Variants in ANKRD11 observed in about 807,000 individuals in gnomAD.
ANKRD11 encodes ankyrin repeat domain 11.
ANKRD11 carries 17 observed loss-of-function variants against 195.7 expected under a neutral mutation model. The observed-to-expected ratio is 0.09, with a 90% CI of 0.06 to 0.13. The LOEUF (loss-of-function observed/expected upper bound fraction) is 0.13, where lower values mean the gene tolerates loss of function less well. Among genes scored for constraint, ANKRD11 ranks in the 10% least tolerant of loss-of-function variants. The probability of loss-of-function intolerance (pLI) is 1.00; values close to 1 mark genes in which losing one functional copy is unlikely to be tolerated. For synonymous variants in ANKRD11, 1,953 were observed against 1,528.1 expected, an observed-to-expected ratio of 1.28 and a Z score of -6.49; for missense variants, 3,735 against 3,566.1, an observed-to-expected ratio of 1.05 and a Z score of -1.21.
chr16:89,276,755 C>G (rs1025383171), intron 9 of ANKRD11, among the ~76,000 whole-genome samples: 7 of 152,174 alleles, frequency 4.6e-5, no homozygotes, highest in African/African-American at 1.7e-4. Flanking sequence ...CATCTAAAAT[C>G]AGTTCAAAAT....
chr16:89,439,745 T>C (rs758135028), intron 1 of ANKRD11, among the ~76,000 whole-genome samples: 2 of 152,292 alleles, frequency 1.3e-5, no homozygotes, highest in South Asian at 4.1e-4. Context: ...TCTACACCAC[T>C]GACACACAAC....
In ANKRD11 at chr16:89,276,637, C is replaced by T. The variant is rs781137557; in HGVS notation, c.7471-1446G>A. The stretch of plus-strand genomic sequence containing the variant: ...ACGGGAGGGCCTGCCACAGCGTGGA[C>T]GCACGGCAGGGTCTCGTCACCTCCA... On this transcript the variant is annotated intron_variant, in intron 9 of 12. Transcript: ENST00000301030. Among the ~76,000 whole-genome samples, 12 of 152,350 alleles carry T rather than the reference C, an allele frequency of 7.9e-5. No homozygotes were observed. In the East Asian group the frequency reaches 1.4e-3, roughly 17 times the overall value.
intron 1 of ANKRD11, among the ~76,000 whole-genome samples, chr16:89,487,711 T>C (rs1597570832): frequency 6.6e-6 from 1 of 151,876 alleles, no homozygotes; most frequent in South Asian, 2.1e-4. Context: ...GAGACGGAGG[T>C]TGCAATGAGC....
At chr16:89,357,668 CGACTCAGCCCTAACGAG>C (rs2039548062) in intron 2 of ANKRD11, among the ~76,000 whole-genome samples, 1 of 152,188 alleles carries the variant, frequency 6.6e-6, no homozygotes, top group South Asian at 2.1e-4. Flanking sequence ...CAGCATAACG[CGACTCAGCCCTAACGAG>C]GAATGCCTGT....
intron 4 of ANKRD11, chr16:89,300,950 G>C (rs1325864300): frequency 2.9e-6 from 2 of 690,994 alleles, no homozygotes; most frequent in Non-Finnish European, 5.3e-6. Context: ...GGACAAGCAG[G>C]ACCCCGGCGG....
intron 3 of ANKRD11, among the ~76,000 whole-genome samples, chr16:89,305,751 C>A: frequency 7.1e-6 from 1 of 141,028 alleles, no homozygotes; most frequent in African/African-American, 2.8e-5. Flanking sequence ...ACCTACCTCC[C>A]ACTCCGCAGA....
At position 89,347,121 on chromosome 16, in the gene ANKRD11, C is replaced by T. The variant is rs573608552; in HGVS notation, c.-59-30043G>A. ...CTCCTAGGCCCGTGGAGGTGTCTCT[C>T]GTTGGTCCGGGCATCAGAGGAAGCA... On this transcript the variant is annotated intron_variant, in intron 2 of 12. Coordinates refer to ENST00000301030, the MANE Select transcript of ANKRD11 (RefSeq NM_013275.6). 1.1e-4 allele frequency among the ~76,000 whole-genome samples: 17 copies of T among 152,176 alleles called. No homozygotes were observed. In the East Asian group the frequency reaches 2.9e-3, roughly 26 times the overall value.
chr16:89,389,402 A>G (rs1277138216), intron 2 of ANKRD11, among the ~76,000 whole-genome samples: 2 of 152,180 alleles, frequency 1.3e-5, no homozygotes, highest in Admixed American at 1.3e-4. Context: ...GTAAATAAGA[A>G]AATATGATTA....
At chr16:89,368,889 ACT>A (rs969892819) in intron 2 of ANKRD11, among the ~76,000 whole-genome samples, 1 of 152,080 alleles carries the variant, frequency 6.6e-6, no homozygotes, top group East Asian at 1.9e-4. Context: ...GAGGAGAAAG[ACT>A]CTGTTTCCAA....
chr16:89,319,654 G>A (rs1406180613), intron 2 of ANKRD11, among the ~76,000 whole-genome samples: 1 of 152,210 alleles, frequency 6.6e-6, no homozygotes, highest in Non-Finnish European at 1.5e-5. Flanking sequence ...CCTCATCACA[G>A]TCATGGAGAT....
At chr16:89,443,350 T>C (rs1034031071) in intron 1 of ANKRD11, 1 of 83,094 alleles carries the variant, frequency 1.2e-5, no homozygotes, top group Non-Finnish European at 3.0e-5. Context: ...GTACTAAAAA[T>C]TCGAACAACA....
chr16:89,349,812 C>T (rs2039121074), intron 2 of ANKRD11, among the ~76,000 whole-genome samples: 1 of 151,136 alleles, frequency 6.6e-6, no homozygotes, highest in African/African-American at 2.4e-5. Context: ...ACTTTAGCTG[C>T]TCTAAAGACA....
Position 89,284,497 on chromosome 16 carries a change from T to C in ANKRD11, c.2045A>G (p.Asn682Ser). 1 of 1,614,168 alleles carries C rather than the reference T, an allele frequency of 6.2e-7. No individual in the cohort carries two copies. Among genetic ancestry groups the C allele is most frequent in the Non-Finnish European group, 8.5e-7 (1 of 1,180,040 alleles). The change falls in exon 9 of 13, where the codon AAC becomes AGC. Residue 682 changes from asparagine to serine, a missense_variant. Asn to Ser is a conservative substitution (Grantham distance 46). Transcript: ENST00000301030. The stretch of plus-strand genomic sequence containing the variant: ...ATCGTGCTTTAACACTTTTAGCTTG[T>C]TTTCAGTGGAAAGATCATTCTCTAA... ...ILLENDLSTE[N>S]KLKVLKHDRD...
At chr16:89,432,984 CTCT>C (rs1339591901) in intron 1 of ANKRD11, among the ~76,000 whole-genome samples, 1 of 135,086 alleles carries the variant, frequency 7.4e-6, no homozygotes. Context: ...CTCTCTCTCT[CTCT>C]CTCCTCTCTC....
At chr16:89,460,890 T>C (rs1340381742) in intron 1 of ANKRD11, among the ~76,000 whole-genome samples, 1 of 151,780 alleles carries the variant, frequency 6.6e-6, no homozygotes. Flanking sequence ...GGACAAATAT[T>C]GTATGACCCC....
chr16:89,349,671 A>G (rs1378048205), intron 2 of ANKRD11, among the ~76,000 whole-genome samples: 4 of 152,198 alleles, frequency 2.6e-5, no homozygotes, highest in African/African-American at 9.7e-5. Context: ...TGAAGTAAAT[A>G]TGACTGAAAA....
rs1367647244 is a variant in ANKRD11 at position 89,291,090 on chromosome 16, G to A, written c.320C>T (p.Ala107Val). The A allele has an allele frequency of 1.9e-6, 3 of 1,613,686 alleles. No individual in the cohort carries two copies. Among genetic ancestry groups the A allele is most frequent in the Non-Finnish European group, 1.7e-6 (2 of 1,179,926 alleles). Residue 107 changes from alanine to valine, a missense_variant, in exon 5 of 13, where the codon GCC (alanine) becomes GTC (valine). Coordinates refer to ENST00000301030, the MANE Select transcript of ANKRD11 (RefSeq NM_013275.6). The surrounding 1 kb of genome is among the most constrained non-coding windows in gnomAD (Gnocchi z 5.3). ...LFGMGLSGIR[A>V]GYPLSERQQV... is the part of the protein sequence containing the mutation. Reference sequence around the variant, plus strand: ...CTGGCGCTCGGAGAGGGGGTAGCCGGCTCGGATTCCAGACAGCCCCATGCC... The same window carrying A: ...CTGGCGCTCGGAGAGGGGGTAGCCGACTCGGATTCCAGACAGCCCCATGCC...
At chr16:89,432,742 C>T (rs2043035571) in intron 1 of ANKRD11, among the ~76,000 whole-genome samples, 1 of 152,056 alleles carries the variant, frequency 6.6e-6, no homozygotes, top group Non-Finnish European at 1.5e-5. Context: ...CCCAGGAGTT[C>T]AAGACCAGCC....
chr16:89,287,961 C>T (rs1473773129), intron 7 of ANKRD11: 7 of 462,442 alleles, frequency 1.5e-5, no homozygotes, highest in Non-Finnish European at 2.7e-5. Flanking sequence ...TGAGACCCGC[C>T]GCATCTCCAG....
Sources: allele counts gnomAD v4.1 joint callset (sites outside exome capture counted in the v4.1 genomes callset), GRCh38; gene constraint gnomAD v4.1.1; non-coding constraint Gnocchi (gnomAD v3.1); transcripts MANE v1.5; gene names NCBI Gene and HGNC (gene_info 2026-07-23, HGNC 2026-07-21).